The following CPA5 variants were observed in gnomAD, a reference collection of about 807,000 sequenced individuals.
CPA5 encodes carboxypeptidase A5.
Under a neutral mutation model 52.2 loss-of-function variants are expected in CPA5, and 38 were observed. The ratio of observed to expected loss-of-function variants is 0.73; its 90% CI spans 0.56 to 0.95. The LOEUF (loss-of-function observed/expected upper bound fraction) is 0.95, where lower values mean the gene tolerates loss of function less well. Among genes scored for constraint, CPA5 ranks in the 40% least tolerant of loss-of-function variants. CPA5 has a pLI of 0.00. For synonymous variants in CPA5, 198 were observed against 213.7 expected (o/e 0.93, Z 0.64); for missense variants, 519 against 566.7 (o/e 0.92, Z 0.86).
chr7:130,347,906 A>G, intron 4 of CPA5, 59 bp downstream of exon 4: 7 of 1,379,964 alleles, frequency 5.1e-6, no homozygotes, highest in South Asian at 3.6e-5. Flanking sequence ...TCACACATTT[A>G]GCTCCTTGTC....
chr7:130,357,963 T>TGA (rs1684072062), intron 5 of CPA5, among the ~76,000 whole-genome samples: 1 of 104,156 alleles, frequency 9.6e-6, no homozygotes, highest in Admixed American at 8.3e-5. Flanking sequence ...TGTGTGTGTG[T>TGA]GTGTGTGTGT....
chr7:130,352,230 G>T (rs1310543792), intron 5 of CPA5, among the ~76,000 whole-genome samples: 1 of 152,086 alleles, frequency 6.6e-6, no homozygotes, highest in Non-Finnish European at 1.5e-5. Flanking sequence ...GAAACATGAG[G>T]CAGGGCCATT....
chr7:130,373,501 T>C (rs1330760070), downstream of CPA5, among the ~76,000 whole-genome samples: 1 of 151,898 alleles, frequency 6.6e-6, no homozygotes, highest in Admixed American at 6.6e-5. Context: ...AGGCAGGCAG[T>C]TTGGAATGTG....
chr7:130,356,181 G>A (rs1182969537), intron 5 of CPA5, among the ~76,000 whole-genome samples: 1 of 85,230 alleles, frequency 1.2e-5, no homozygotes, highest in Admixed American at 1.2e-4. Flanking sequence ...GCTGGAGTTC[G>A]GCTGTGAGAG....
intron 4 of CPA5, among the ~76,000 whole-genome samples, chr7:130,348,173 G>A (rs2117289858): frequency 6.6e-6 from 1 of 152,276 alleles, no homozygotes; most frequent in East Asian, 1.9e-4. Context: ...CAATGTCTCT[G>A]GGTGGGATGC....
chr7:130,359,533 G>T (rs1795675097), intron 5 of CPA5, 56 bp from the exon 6 acceptor site: 1 of 1,324,760 alleles, frequency 7.5e-7, no homozygotes, highest in South Asian at 1.3e-5. Context: ...GCTCAGAAGA[G>T]GCATAGCCAG....
At chr7:130,371,243 C>T (rs1385567954), downstream of CPA5, among the ~76,000 whole-genome samples, 6 of 152,242 alleles carry the variant, frequency 3.9e-5, no homozygotes, top group South Asian at 2.1e-4. Flanking sequence ...GTGCCAGGCA[C>T]GGTGCCAAGT....
intron 8 of CPA5, 25 bp downstream of exon 8, chr7:130,362,564 T>G: frequency 6.4e-7 from 1 of 1,552,384 alleles, no homozygotes; most frequent in Non-Finnish European, 8.9e-7. Flanking sequence ...GTAGCCAAGG[T>G]GCACCCACGA....
At chr7:130,356,068 C>A (rs974807340) in intron 5 of CPA5, among the ~76,000 whole-genome samples, 1 of 152,200 alleles carries the variant, frequency 6.6e-6, no homozygotes, top group South Asian at 2.1e-4. Flanking sequence ...AGATGTTAGA[C>A]CTGGAAGAGA....
Position 130,359,698 on chromosome 7 carries a change from C to G in CPA5, c.432+11C>G, listed in dbSNP as rs781967481. 3.2e-6 allele frequency: 5 copies of G among 1,563,974 alleles called. No individual in the cohort carries two copies. The South Asian group carries it at 4.7e-5, about 15-fold the overall frequency. On this transcript the variant is annotated intron_variant, in intron 6 of 12. Coordinates refer to ENST00000474905, the MANE Select transcript of CPA5 (RefSeq NM_080385.5). The stretch of plus-strand genomic sequence containing the variant: ...CACACCCTGGAGGAGGTAGGTCTGG[C>G]CGGGCAAGCTCTGGGCTCTCTTGTG...
At chr7:130,369,205 G>A (rs1340367181), downstream of CPA5, among the ~76,000 whole-genome samples, 1 of 152,130 alleles carries the variant, frequency 6.6e-6, no homozygotes, top group Non-Finnish European at 1.5e-5. Flanking sequence ...TGGGTCTTGG[G>A]AACACAGGGT....
At chr7:130,355,771 G>A (rs1244353181) in intron 5 of CPA5, among the ~76,000 whole-genome samples, 1 of 152,208 alleles carries the variant, frequency 6.6e-6, no homozygotes, top group Non-Finnish European at 1.5e-5. Context: ...ATTTTACAAT[G>A]GGGAAACTGA....
intron 10 of CPA5, among the ~76,000 whole-genome samples, chr7:130,367,020 G>T (rs1168772933): frequency 6.6e-6 from 1 of 152,210 alleles, no homozygotes; most frequent in Non-Finnish European, 1.5e-5. Context: ...CACAATGAAA[G>T]TTTGTTTTTC....
chr7:130,352,359 G>A (rs1795202607), intron 5 of CPA5, among the ~76,000 whole-genome samples: 1 of 143,854 alleles, frequency 7.0e-6, no homozygotes, highest in African/African-American at 2.4e-5. Flanking sequence ...CGCGGGGGCC[G>A]GGGATGGAGG....
In CPA5 at chr7:130,367,923, T is replaced by G; in HGVS notation, c.1056T>G (p.Asp352Glu). The G allele has an allele frequency of 6.2e-7, 1 of 1,614,204 alleles. No individual in the cohort carries two copies. Among genetic ancestry groups the G allele is most frequent in the Non-Finnish European group, 8.5e-7 (1 of 1,180,020 alleles). The change falls in exon 12 of 13, where the codon GAT (aspartate) becomes GAG (glutamate). Residue 352 changes from aspartate (D) to glutamate (E), a missense_variant. Physicochemically the swap from Asp to Glu is conservative, Grantham distance 45. Transcript: ENST00000474905. ...TCTTGCAGTACGATCTTGCCAAGGA[T>G]GCGGTGGAGGCCTTGTATAAGGTCC... ...NQRELYDLAK[D>E]AVEALYKVHG...
At chr7:130,362,678 G>T in intron 8 of CPA5, 139 bp downstream of exon 8, 1 of 673,020 alleles carries the variant, frequency 1.5e-6, no homozygotes, top group Non-Finnish European at 2.6e-6. Flanking sequence ...AGCAGCCACC[G>T]TGCACTCTTA....
At position 130,359,665 on chromosome 7, in the gene CPA5, C is replaced by A; in HGVS notation, c.410C>A (p.Ser137Ter). The change falls in exon 6 of 13, where the codon TCA (serine) becomes TAA (stop). Residue 137 changes from serine to a stop codon, truncating the protein, a stop_gained. Coordinates refer to ENST00000474905, the MANE Select transcript of CPA5 (RefSeq NM_080385.5). LOFTEE classifies it high-confidence loss of function. Reference sequence around the variant, plus strand: ...CGCAGCACCAACAGCTTCAGTTACTCATCATACCACACCCTGGAGGAGGTA... The same window carrying A: ...CGCAGCACCAACAGCTTCAGTTACTAATCATACCACACCCTGGAGGAGGTA... ...LERSTNSFSYSSYHTLEEIYS... is the reference protein window; with the variant it reads ...LERSTNSFSY The A allele has an allele frequency of 6.3e-7, 1 of 1,585,362 alleles. No homozygotes were observed. Among genetic ancestry groups the A allele is most frequent in the South Asian group, 1.2e-5 (1 of 86,314 alleles).
chr7:130,352,594 C>T (rs1351395965), intron 5 of CPA5, among the ~76,000 whole-genome samples: 4 of 152,130 alleles, frequency 2.6e-5, no homozygotes, highest in Admixed American at 6.5e-5. Context: ...CACCATGTGA[C>T]GAGGTCAGGA....
At chr7:130,361,353 T>C (rs1210507734) in intron 7 of CPA5, 109 bp downstream of exon 7, 5 of 747,832 alleles carry the variant, frequency 6.7e-6, no homozygotes, top group Non-Finnish European at 1.2e-5. Flanking sequence ...GAAGGACAAT[T>C]TGTCTACTCC....
Sources: gnomAD v4.1 joint callset for allele counts (sites outside exome capture counted in the v4.1 genomes callset) on GRCh38, gnomAD v4.1.1 for gene constraint, MANE v1.5 for transcripts, NCBI Gene and HGNC (gene_info 2026-07-23, HGNC 2026-07-21) for gene names.